CMSS1: variants seen among roughly 807,000 people sequenced by gnomAD.
CMSS1 encodes protein CMSS1.
In CMSS1, 33 loss-of-function variants were observed where a neutral mutation model predicts 43.5. The ratio of observed to expected loss-of-function variants is 0.76; its 90% confidence interval spans 0.57 to 1.01. The LOEUF (loss-of-function observed/expected upper bound fraction) is 1.01, where lower values mean the gene tolerates loss of function less well. Among genes scored for constraint, CMSS1 ranks in the 50% least tolerant of loss-of-function variants. The pLI is 0.00. For missense variants in CMSS1, 313 were observed against 326.4 expected (o/e 0.96, Z 0.32); for synonymous variants, 115 against 117.2 (o/e 0.98, Z 0.12).
intron 1 of CMSS1, among the ~76,000 whole-genome samples, chr3:100,075,916 A>G (rs541566132): frequency 6.3e-4 from 96 of 152,324 alleles, no homozygotes; most frequent in Non-Finnish European, 1.1e-3. Context: ...AGGAGAGCTG[A>G]GTTGGAGCCT....
At chr3:99,904,115 G>C (rs1461141807) in intron 1 of CMSS1, among the ~76,000 whole-genome samples, 2 of 152,134 alleles carry the variant, frequency 1.3e-5, no homozygotes, top group African/African-American at 2.4e-5. Context: ...TTTCAGACAA[G>C]CACTTTACAT....
intron 8 of CMSS1, among the ~76,000 whole-genome samples, chr3:100,175,574 TA>T (rs1231390346): frequency 1.3e-5 from 2 of 152,176 alleles, no homozygotes; most frequent in Non-Finnish European, 2.9e-5. Context: ...GAACAAGTAT[TA>T]GGGGCAAAGA....
intron 1 of CMSS1, chr3:99,850,793 G>A (rs1943651945): frequency 6.2e-7 from 1 of 1,614,190 alleles, no homozygotes; most frequent in East Asian, 2.2e-5. Context: ...TGCGTTTGCA[G>A]TTCCTTCTCT....
Position 100,176,357 on chromosome 3 carries a change from T to C in CMSS1, c.698T>C (p.Leu233Pro). The C allele has an allele frequency of 6.2e-7, 1 of 1,613,788 alleles. No individual in the cohort carries two copies. The highest frequency in any genetic ancestry group is 8.5e-7 in the Non-Finnish European group (1 of 1,179,718). The change falls in exon 9 of 10, where the codon CTG becomes CCG. Residue 233 changes from leucine to proline, a missense_variant. Leu to Pro is a moderately conservative substitution (Grantham distance 98). Coordinates refer to ENST00000421999, the MANE Select transcript of CMSS1 (RefSeq NM_032359.4). ...CTTAATTTGAGCCCCTTAAAATTTCTGGTTTTTGACTGGAACTGGAGAGAT... is the reference window on the plus strand; with the variant it reads ...CTTAATTTGAGCCCCTTAAAATTTCCGGTTTTTGACTGGAACTGGAGAGAT... ...GGLNLSPLKF[L>P]VFDWNWRDQK...
At chr3:100,100,771 C>T (rs536592953) in intron 1 of CMSS1, among the ~76,000 whole-genome samples, 1 of 152,106 alleles carries the variant, frequency 6.6e-6, no homozygotes, top group East Asian at 1.9e-4. Context: ...GAGTGTGAGA[C>T]CTCGCAAGGT....
At position 100,016,994 on chromosome 3, in the gene CMSS1, A is replaced by G. The variant is rs139952535; in HGVS notation, c.65-129979A>G. ...AAGATTTGCTTTAATTTTGTTGAAC[A>G]GTAATGGAGATCTTTAAATGGGTTT... is the stretch of plus-strand genomic sequence containing the variant. On this transcript the variant is annotated intron_variant, in intron 1 of 9. Transcript: ENST00000421999. Among the ~76,000 whole-genome samples, 637 of 152,330 alleles carry G rather than the reference A, an allele frequency of 4.2e-3. 4 individuals carry two copies. The highest frequency in any genetic ancestry group is 0.015 in the African/African-American group (608 of 41,572).
rs368562160 is a variant in CMSS1 at position 100,153,838 on chromosome 3, CTTTTTTTTTCT to C, written c.154-6572_154-6562del. On this transcript the variant is annotated intron_variant, in intron 2 of 9. Coordinates refer to ENST00000421999, the MANE Select transcript of CMSS1 (RefSeq NM_032359.4). ...TATTGATGGACACCTGAGGCTATTT[CTTTTTTTTTCT>C]TTTTTTTTTCTTTTTTTTTAAGATG... Among the ~76,000 whole-genome samples, 92 of 150,288 alleles carry C rather than the reference CTTTTTTTTTCT, an allele frequency of 6.1e-4. 1 individual carries two copies. The highest frequency in any genetic ancestry group is 1.9e-3 in the African/African-American group (78 of 40,946).
chr3:99,961,419 G>C (rs1425938105), intron 1 of CMSS1, among the ~76,000 whole-genome samples: 1 of 151,964 alleles, frequency 6.6e-6, no homozygotes, highest in African/African-American at 2.4e-5. Context: ...TGACTCTTAT[G>C]CTATATATGC....
chr3:100,146,414 T>C (rs2066850418), intron 1 of CMSS1, among the ~76,000 whole-genome samples: 1 of 152,208 alleles, frequency 6.6e-6, no homozygotes, highest in Admixed American at 6.5e-5. Flanking sequence ...AGGCATCACT[T>C]GCTGGGGATA....
At chr3:99,877,138 C>T (rs1705562748) in intron 1 of CMSS1, among the ~76,000 whole-genome samples, 1 of 152,172 alleles carries the variant, frequency 6.6e-6, no homozygotes, top group South Asian at 2.1e-4. Flanking sequence ...ACCTAAAGTT[C>T]TAGCCCAACT....
Position 100,061,754 on chromosome 3 carries a change from G to T in CMSS1, c.65-85219G>T, listed in dbSNP as rs1356875087. 2.6e-5 allele frequency among the ~76,000 whole-genome samples: 4 copies of T among 152,156 alleles called. No individual in the cohort carries two copies. The East Asian group carries it at 7.7e-4, about 29-fold the overall frequency. On this transcript the variant is annotated intron_variant, in intron 1 of 9. Transcript: ENST00000421999. ...CCTCCCATTCTGAGGTGAGAAAACT[G>T]AAGCACAGAGAAGGTAATGCAATAC... is the stretch of plus-strand genomic sequence containing the variant.
At chr3:100,126,063 G>A (rs1476504736) in intron 1 of CMSS1, among the ~76,000 whole-genome samples, 2 of 152,192 alleles carry the variant, frequency 1.3e-5, no homozygotes, top group East Asian at 3.9e-4. Context: ...ATGCCACAGT[G>A]AGTGGCTTTG....
At chr3:99,850,418 G>A (rs1159768883) in intron 1 of CMSS1, 1 of 1,613,802 alleles carries the variant, frequency 6.2e-7, no homozygotes, top group Non-Finnish European at 8.5e-7. Context: ...CTTTTACTGA[G>A]TTTTTCAACC....
At chr3:100,140,972 A>G (rs544439061) in intron 1 of CMSS1, among the ~76,000 whole-genome samples, 93 of 152,320 alleles carry the variant, frequency 6.1e-4, no homozygotes, top group East Asian at 5.8e-4. Context: ...ACCATCTACT[A>G]TATGTATCCT....
chr3:99,856,862 A>G (rs1943991303), intron 1 of CMSS1, among the ~76,000 whole-genome samples: 1 of 152,216 alleles, frequency 6.6e-6, no homozygotes, highest in African/African-American at 2.4e-5. Context: ...TGCATCATAT[A>G]ATACACATAT....
At chr3:100,151,870 T>C (rs1488387486) in intron 2 of CMSS1, among the ~76,000 whole-genome samples, 4 of 152,156 alleles carry the variant, frequency 2.6e-5, no homozygotes, top group African/African-American at 9.7e-5. Context: ...CTAAATCAGG[T>C]CCAGGTGCAG....
chr3:100,138,426 A>T (rs1298579110), intron 1 of CMSS1, among the ~76,000 whole-genome samples: 1 of 152,092 alleles, frequency 6.6e-6, no homozygotes, highest in Non-Finnish European at 1.5e-5. Flanking sequence ...TGGGAGAAAA[A>T]TTTTGCAATC....
intron 1 of CMSS1, among the ~76,000 whole-genome samples, chr3:99,893,268 CCATT>C (rs1706147275): frequency 6.6e-6 from 1 of 151,552 alleles, no homozygotes; most frequent in Non-Finnish European, 1.5e-5. Flanking sequence ...CGGGTTCACG[CCATT>C]CTCCTGTCTC....
chr3:99,921,025 C>A (rs1707108098), intron 1 of CMSS1, among the ~76,000 whole-genome samples: 1 of 152,114 alleles, frequency 6.6e-6, no homozygotes, highest in Admixed American at 6.5e-5. Context: ...GTTATGATAT[C>A]TTTGTTTCAC....
Sources: allele counts gnomAD v4.1 joint callset (sites outside exome capture counted in the v4.1 genomes callset), GRCh38; gene constraint gnomAD v4.1.1; transcripts MANE v1.5; gene names NCBI Gene and HGNC (gene_info 2026-07-23, HGNC 2026-07-21).